MEGF10: variants seen among roughly 807,000 people sequenced by gnomAD.
MEGF10 encodes multiple epidermal growth factor-like domains protein 10.
In MEGF10, 86 loss-of-function variants were observed where a neutral mutation model predicts 147.5. The observed-to-expected ratio is 0.58, with a 90% confidence interval of 0.49 to 0.70. The LOEUF (loss-of-function observed/expected upper bound fraction) is 0.70, where lower values mean the gene tolerates loss of function less well. Ranked by LOEUF, MEGF10 falls within the 30% of genes least tolerant of loss-of-function variation. The pLI is 0.00. For missense variants in MEGF10, 1,329 were observed against 1,487.3 expected (o/e 0.89, Z 1.75); for synonymous variants, 478 against 525.5 (o/e 0.91, Z 1.24).
chr5:127,322,092 A>G lies in MEGF10; in HGVS notation c.-18-9199A>G, dbSNP rs532390498. Among the ~76,000 whole-genome samples the G allele has an allele frequency of 1.4e-3, 209 of 150,708 alleles. 1 individual carries two copies. The highest frequency in any genetic ancestry group is 3.7e-3 in the Admixed American group (56 of 15,162). The stretch of plus-strand genomic sequence containing the variant: ...GCTTTTGCAAAAAAAAAAAAATAAT[A>G]ATGCTTTAGGTTAAAAGAAAAAAAA... On this transcript the variant is annotated intron_variant, in intron 1 of 24. Transcript: ENST00000503335.
the MEGF10 span, among the ~76,000 whole-genome samples, chr5:127,261,142 T>C: frequency 6.6e-6 from 1 of 152,200 alleles, no homozygotes; most frequent in East Asian, 1.9e-4. Flanking sequence ...TATAATGCAA[T>C]GCCTTTAGTG....
At chr5:127,341,684 A>G (rs1219283687) in intron 4 of MEGF10, among the ~76,000 whole-genome samples, 1 of 152,214 alleles carries the variant, frequency 6.6e-6, no homozygotes, top group African/African-American at 2.4e-5. Context: ...ACATGTTCAT[A>G]GAAAGAAAAA....
chr5:127,342,544 G>T (rs1004094129), intron 4 of MEGF10, among the ~76,000 whole-genome samples: 2 of 152,134 alleles, frequency 1.3e-5, no homozygotes, highest in Non-Finnish European at 2.9e-5. Context: ...TGGTGGGGGG[G>T]TGTAGATCCA....
At chr5:127,260,196 T>TA in the MEGF10 span, among the ~76,000 whole-genome samples, 3,654 of 151,490 alleles carry the variant, frequency 0.024, 88 homozygotes, top group South Asian at 0.095. Context: ...TAAATAAATG[T>TA]AAAAAAAATA....
At chr5:127,443,244 G>A in intron 19 of MEGF10, 118 bp downstream of exon 19, 1 of 1,088,058 alleles carries the variant, frequency 9.2e-7, no homozygotes, top group African/African-American at 1.6e-5. Flanking sequence ...ACTCTAAATG[G>A]CATAATTGGT....
At chr5:127,448,980 C>A in intron 21 of MEGF10, 119 bp from the exon 22 acceptor site, 1 of 1,338,758 alleles carries the variant, frequency 7.5e-7, no homozygotes, top group Non-Finnish European at 1.0e-6. Context: ...CCCCTGAGCT[C>A]AGGTCACTCT....
intron 1 of MEGF10, among the ~76,000 whole-genome samples, chr5:127,311,665 A>C (rs544727295): frequency 2.0e-5 from 3 of 152,212 alleles, no homozygotes; most frequent in Non-Finnish European, 4.4e-5. Context: ...TTGCAGTTTT[A>C]AGAAGTTGAA....
At chr5:127,308,840 G>A (rs1210347352) in intron 1 of MEGF10, among the ~76,000 whole-genome samples, 3 of 151,496 alleles carry the variant, frequency 2.0e-5, no homozygotes, top group East Asian at 1.9e-4. Context: ...TTGTGCACAC[G>A]TACCCTAAAA....
the MEGF10 span, among the ~76,000 whole-genome samples, chr5:127,233,981 G>A: frequency 6.6e-6 from 1 of 152,176 alleles, no homozygotes; most frequent in Non-Finnish European, 1.5e-5. Flanking sequence ...CTTCTGCGTA[G>A]GGAGAAATTC....
chr5:127,266,035 AG>A, the MEGF10 span, among the ~76,000 whole-genome samples: 1 of 152,056 alleles, frequency 6.6e-6, no homozygotes, highest in African/African-American at 2.4e-5. Flanking sequence ...GTTTTCTTCT[AG>A]GTTTTTTATG....
chr5:127,415,783 A>C (rs1179185769), intron 9 of MEGF10, among the ~76,000 whole-genome samples: 2 of 151,458 alleles, frequency 1.3e-5, no homozygotes, highest in African/African-American at 4.8e-5. Context: ...CACGCCTGTA[A>C]TCCCAGCTAC....
At chr5:127,371,527 C>T (rs73783764) in intron 5 of MEGF10, among the ~76,000 whole-genome samples, 5,381 of 152,058 alleles carry the variant, frequency 0.035, 309 homozygotes, top group African/African-American at 0.12. Context: ...GAAGAGTGGG[C>T]GTATTAGTCA....
intron 16 of MEGF10, among the ~76,000 whole-genome samples, chr5:127,436,572 G>T (rs749764903): frequency 1.6e-4 from 25 of 152,084 alleles, no homozygotes; most frequent in Non-Finnish European, 2.5e-4. Context: ...AAGAGTAAAA[G>T]GTCCAATATC....
chr5:127,420,983 C>A (rs1764978795), intron 12 of MEGF10, among the ~76,000 whole-genome samples: 1 of 152,176 alleles, frequency 6.6e-6, no homozygotes, highest in African/African-American at 2.4e-5. Flanking sequence ...TCGAGAAGGG[C>A]CTTCCACAAT....
the MEGF10 span, among the ~76,000 whole-genome samples, chr5:127,235,317 G>C: frequency 6.6e-6 from 1 of 151,994 alleles, no homozygotes; most frequent in East Asian, 1.9e-4. Context: ...TATTCACCTC[G>C]GTGAGCACAC....
the MEGF10 span, among the ~76,000 whole-genome samples, chr5:127,258,455 T>C: frequency 6.6e-6 from 1 of 152,176 alleles, no homozygotes; most frequent in Non-Finnish European, 1.5e-5. Context: ...CATCCATTAG[T>C]AATTATTTGA....
At chr5:127,240,278 A>G in the MEGF10 span, among the ~76,000 whole-genome samples, 1 of 152,168 alleles carries the variant, frequency 6.6e-6, no homozygotes, top group African/African-American at 2.4e-5. Flanking sequence ...CTATTTGCTT[A>G]GCATGAAGCC....
intron 5 of MEGF10, among the ~76,000 whole-genome samples, chr5:127,378,618 A>G (rs898344990): frequency 2.0e-5 from 3 of 152,020 alleles, no homozygotes; most frequent in Non-Finnish European, 2.9e-5. Flanking sequence ...AAACCCAGCT[A>G]ATTTTTTTAT....
At chr5:127,248,959 A>G in the MEGF10 span, among the ~76,000 whole-genome samples, 2 of 152,014 alleles carry the variant, frequency 1.3e-5, no homozygotes, top group South Asian at 2.1e-4. Flanking sequence ...TAGCCATGGT[A>G]CTAAAAGAAA....
Sources: gnomAD v4.1 joint callset for allele counts (sites outside exome capture counted in the v4.1 genomes callset) on GRCh38, gnomAD v4.1.1 for gene constraint, MANE v1.5 for transcripts, NCBI Gene and HGNC (gene_info 2026-07-23, HGNC 2026-07-21) for gene names.